Variants in ZC3H12B observed in about 807,000 individuals in gnomAD.
The protein encoded by ZC3H12B is probable ribonuclease ZC3H12B.
Under a neutral mutation model 43.9 loss-of-function variants are expected in ZC3H12B, and 7 were observed. That is an observed-to-expected ratio of 0.16 (90% CI 0.09 to 0.30). The LOEUF is 0.30. ZC3H12B is among the 10% of genes least tolerant of loss of function. The pLI is 1.00. For synonymous variants in ZC3H12B, 222 were observed against 241.7 expected, an observed-to-expected ratio of 0.92 and a Z score of 0.76; for missense variants, 475 against 670.2, an observed-to-expected ratio of 0.71 and a Z score of 3.22.
the ZC3H12B span, among the ~76,000 whole-genome samples, chrX:65,195,278 T>A: frequency 9.0e-6 from 1 of 111,546 alleles, no homozygotes; most frequent in Non-Finnish European, 1.9e-5. Context: ...TGGAGGTGAT[T>A]TTCTGTGGTG....
chrX:65,098,225 TAC>T, the ZC3H12B span, among the ~76,000 whole-genome samples: 2,571 of 95,405 alleles, frequency 0.027, 38 homozygotes, highest in African/African-American at 0.058. Context: ...CATGTCTTAG[TAC>T]ACACACACAC....
the ZC3H12B span, among the ~76,000 whole-genome samples, chrX:65,321,234 A>G: frequency 8.9e-6 from 1 of 112,158 alleles, no homozygotes; most frequent in Non-Finnish European, 1.9e-5. Flanking sequence ...AAAGGACACA[A>G]CAGTCACTTA....
the ZC3H12B span, among the ~76,000 whole-genome samples, chrX:65,309,845 A>C: frequency 2.7e-5 from 3 of 112,262 alleles, no homozygotes; most frequent in Admixed American, 1.9e-4. Flanking sequence ...CTGGTTCAAC[A>C]TAAGCAAATC....
chrX:65,222,883 C>A, the ZC3H12B span, among the ~76,000 whole-genome samples: 1 of 109,988 alleles, frequency 9.1e-6, no homozygotes, highest in African/African-American at 3.3e-5. Flanking sequence ...AAAAAAAAAT[C>A]ATCCTAAAAT....
At chrX:65,232,439 G>T in the ZC3H12B span, among the ~76,000 whole-genome samples, 1 of 111,358 alleles carries the variant, frequency 9.0e-6, no homozygotes, top group African/African-American at 3.3e-5. Context: ...AAAGTCAGAA[G>T]GTGGTACGGA....
At chrX:65,236,428 T>C in the ZC3H12B span, among the ~76,000 whole-genome samples, 1 of 112,160 alleles carries the variant, frequency 8.9e-6, no homozygotes, top group Non-Finnish European at 1.9e-5. Context: ...TTTAAATTCC[T>C]TTTAGAATCT....
At chrX:65,385,637 T>C (rs181991652) in intron 2 of ZC3H12B, among the ~76,000 whole-genome samples, 1 of 111,974 alleles carries the variant, frequency 8.9e-6, no homozygotes, top group East Asian at 2.8e-4. Flanking sequence ...ATACCCTTTT[T>C]TTTTATCCTG....
chrX:65,163,217 G>A, the ZC3H12B span, among the ~76,000 whole-genome samples: 1 of 111,474 alleles, frequency 9.0e-6, no homozygotes. Context: ...GGGGGTCAGG[G>A]GTCAGGGACC....
chrX:65,351,740 A>G, the ZC3H12B span, among the ~76,000 whole-genome samples: 1 of 112,852 alleles, frequency 8.9e-6, no homozygotes. Context: ...CGGTCGTTAG[A>G]GAAATGCAAA....
At chrX:65,173,179 A>G in the ZC3H12B span, among the ~76,000 whole-genome samples, 1 of 111,245 alleles carries the variant, frequency 9.0e-6, no homozygotes, top group African/African-American at 3.3e-5. Flanking sequence ...TTCTTTTTGT[A>G]GCAATTCTGA....
chrX:65,091,621 T>TCTA, the ZC3H12B span, among the ~76,000 whole-genome samples: 1 of 111,936 alleles, frequency 8.9e-6, no homozygotes, highest in African/African-American at 3.2e-5. Flanking sequence ...TTAGAGTATC[T>TCTA]CTACTACTCT....
the ZC3H12B span, among the ~76,000 whole-genome samples, chrX:65,160,550 G>A: frequency 8.9e-6 from 1 of 111,813 alleles, no homozygotes; most frequent in Non-Finnish European, 1.9e-5. Context: ...TATTTGCGTA[G>A]AGGTGTTTGT....
chrX:65,406,771 CTG>C (rs2066833557), intron 3 of ZC3H12B, among the ~76,000 whole-genome samples: 1 of 112,409 alleles, frequency 8.9e-6, no homozygotes, highest in Non-Finnish European at 1.9e-5. Flanking sequence ...GGCGGGTACT[CTG>C]TGCTCTGCGT....
chrX:65,318,683 G>T, the ZC3H12B span, among the ~76,000 whole-genome samples: 1 of 111,005 alleles, frequency 9.0e-6, no homozygotes, highest in Non-Finnish European at 1.9e-5. Context: ...GCCTCCCAAC[G>T]TGCTGGGATT....
chrX:65,056,345 G>T, the ZC3H12B span, among the ~76,000 whole-genome samples: 2 of 111,286 alleles, frequency 1.8e-5, no homozygotes, highest in Non-Finnish European at 3.8e-5. Flanking sequence ...ATTTCCTTAT[G>T]TACCCAGTAG....
chrX:65,053,570 A>G, the ZC3H12B span, among the ~76,000 whole-genome samples: 11 of 111,580 alleles, frequency 9.9e-5, no homozygotes, highest in African/African-American at 3.3e-4. Context: ...ATAAACATAC[A>G]TGTGCATGTG....
At chrX:65,335,275 T>A in the ZC3H12B span, among the ~76,000 whole-genome samples, 2 of 110,672 alleles carry the variant, frequency 1.8e-5, no homozygotes, top group Non-Finnish European at 3.8e-5. Context: ...TCTGAAGGAG[T>A]CCCAGGCTGT....
chrX:65,278,355 G>T, the ZC3H12B span, among the ~76,000 whole-genome samples: 3 of 111,288 alleles, frequency 2.7e-5, no homozygotes, highest in East Asian at 8.5e-4. Context: ...GGTCTAAAAA[G>T]GGGAGTAACC....
intron 3 of ZC3H12B, among the ~76,000 whole-genome samples, chrX:65,453,926 AG>A (rs1035684665): frequency 8.1e-5 from 9 of 111,632 alleles, no homozygotes; most frequent in Non-Finnish European, 1.7e-4. Flanking sequence ...AAAGGATGGG[AG>A]GGGGGTGAGA....
Sources: allele counts gnomAD v4.1 joint callset (sites outside exome capture counted in the v4.1 genomes callset), GRCh38; gene constraint gnomAD v4.1.1; transcripts MANE v1.5; gene names NCBI Gene and HGNC (gene_info 2026-07-23, HGNC 2026-07-21).